LRIG1: variants seen among roughly 807,000 people sequenced by gnomAD.
LRIG1 encodes the protein leucine rich repeats and immunoglobulin like domains 1, also known as leucine-rich repeats and immunoglobulin-like domains protein 1.
Under a neutral mutation model 99.2 loss-of-function variants are expected in LRIG1, and 48 were observed. The observed-to-expected ratio is 0.48, with a 90% CI of 0.38 to 0.62. The LOEUF (loss-of-function observed/expected upper bound fraction) is 0.62. LRIG1 is among the 20% of genes least tolerant of loss of function. LRIG1 has a pLI of 0.00. For missense variants in LRIG1, 1,646 were observed against 1,434.4 expected, an observed-to-expected ratio of 1.15 and a Z score of -2.38; for synonymous variants, 772 against 596.1, an observed-to-expected ratio of 1.29 and a Z score of -4.30.
At chr3:66,456,870 T>C (rs1414441312) in intron 2 of LRIG1, among the ~76,000 whole-genome samples, 1 of 152,176 alleles carries the variant, frequency 6.6e-6, no homozygotes, top group Non-Finnish European at 1.5e-5. Context: ...GAAGGCAGTA[T>C]CTACAGAGGA....
chr3:66,394,641 C>T (rs1701771130), intron 11 of LRIG1, among the ~76,000 whole-genome samples: 1 of 152,230 alleles, frequency 6.6e-6, no homozygotes, highest in Non-Finnish European at 1.5e-5. Context: ...TCTGGTTTTT[C>T]CCACTTTCCT....
intron 7 of LRIG1, among the ~76,000 whole-genome samples, chr3:66,408,323 T>G (rs1056554872): frequency 1.3e-5 from 2 of 152,240 alleles, no homozygotes; most frequent in Non-Finnish European, 2.9e-5. Flanking sequence ...TAAACAGACC[T>G]GGCAGGAGAT....
chr3:66,481,311 A>G (rs940763860), intron 1 of LRIG1, among the ~76,000 whole-genome samples: 1 of 152,232 alleles, frequency 6.6e-6, no homozygotes, highest in Non-Finnish European at 1.5e-5. Flanking sequence ...GTTCACTCTG[A>G]TATTGGTGGC....
chr3:66,463,441 G>C (rs1254249792), intron 1 of LRIG1, among the ~76,000 whole-genome samples: 1 of 152,188 alleles, frequency 6.6e-6, no homozygotes, highest in Non-Finnish European at 1.5e-5. Flanking sequence ...CAATGGTTCA[G>C]AATTAAAACT....
intron 6 of LRIG1, among the ~76,000 whole-genome samples, chr3:66,410,914 GGCTGGACTCTGT>G (rs1702443404): frequency 6.6e-6 from 1 of 152,252 alleles, no homozygotes; most frequent in Admixed American, 6.5e-5. Flanking sequence ...GCCTACCAAA[GGCTGGACTCTGT>G]GCCACTGTGC....
At chr3:66,398,033 G>T in intron 11 of LRIG1, 79 bp downstream of exon 11, 1 of 1,149,260 alleles carries the variant, frequency 8.7e-7, no homozygotes, top group Non-Finnish European at 1.3e-6. Context: ...TAACAAGTGA[G>T]CATAATGCAA....
rs1703747312 is a variant in LRIG1, at chr3:66,446,876, A to G, written c.365+4683T>C. Among the ~76,000 whole-genome samples, 3 of 151,028 alleles carry G rather than the reference A, an allele frequency of 2.0e-5. No homozygotes were observed. The South Asian group carries it at 6.3e-4, about 32-fold the overall frequency. The stretch of plus-strand genomic sequence containing the variant: ...CAAAAAAAAAAAAATTAGTTTTCAA[A>G]TAAGTGGTTACCAGGGGCTAGGGTG... On this transcript the variant is annotated intron_variant, in intron 3 of 18. Coordinates refer to ENST00000273261, the MANE Select transcript of LRIG1 (RefSeq NM_015541.3).
In LRIG1 at chr3:66,383,346, T is replaced by G. The variant is rs111310467; in HGVS notation, c.2127A>C (p.Thr709=). The change falls in exon 15 of 19, where the codon ACA becomes ACC. Residue 709 remains threonine (T), a synonymous_variant. Coordinates refer to ENST00000273261, the MANE Select transcript of LRIG1 (RefSeq NM_015541.3). ...LEDRVVSVGE[T]VALQCKATGN... ...CCGTGGCTTTGCATTGGAGGGCCAC[T>G]GTTTCTCCCACAGATACCACACGGT... The G allele has an allele frequency of 6.3e-7, 1 of 1,592,998 alleles. No individual in the cohort carries two copies. The highest frequency in any genetic ancestry group is 2.2e-5 in the East Asian group (1 of 44,478).
chr3:66,487,470 A>G (rs1408381244), intron 1 of LRIG1, among the ~76,000 whole-genome samples: 1 of 152,226 alleles, frequency 6.6e-6, no homozygotes, highest in African/African-American at 2.4e-5. Flanking sequence ...CTGCCCTGAA[A>G]GAATGTACCA....
chr3:66,400,168 A>G (rs1483398207), intron 9 of LRIG1, among the ~76,000 whole-genome samples: 1 of 152,226 alleles, frequency 6.6e-6, no homozygotes, highest in East Asian at 1.9e-4. Context: ...TTCTCCCAGA[A>G]ACCAAAGTCT....
intron 14 of LRIG1, among the ~76,000 whole-genome samples, 175 bp downstream of exon 14, chr3:66,383,816 G>GAGAT (rs1423573302): frequency 6.6e-6 from 1 of 152,148 alleles, no homozygotes; most frequent in Non-Finnish European, 1.5e-5. Context: ...TTCTTTTAAA[G>GAGAT]AGATAGAAAC....
intron 16 of LRIG1, 64 bp downstream of exon 16, chr3:66,382,209 C>T (rs1379862734): frequency 1.9e-6 from 3 of 1,591,764 alleles, no homozygotes; most frequent in Admixed American, 3.4e-5. Context: ...GACCTGGAGG[C>T]CACCTCCAGC....
intron 8 of LRIG1, chr3:66,405,968 C>T (rs1287389803): frequency 2.0e-6 from 2 of 995,690 alleles, no homozygotes; most frequent in African/African-American, 1.7e-5. Context: ...GGTCACAGTG[C>T]CCAGGCGAGA....
At chr3:66,441,883 C>T (rs1264564464) in intron 3 of LRIG1, among the ~76,000 whole-genome samples, 3 of 152,214 alleles carry the variant, frequency 2.0e-5, no homozygotes, top group African/African-American at 7.2e-5. Flanking sequence ...ACGTTACTTG[C>T]CGTCTCTGTG....
At chr3:66,430,427 A>G (rs760853453) in intron 3 of LRIG1, among the ~76,000 whole-genome samples, 11 of 152,152 alleles carry the variant, frequency 7.2e-5, no homozygotes, top group South Asian at 2.1e-4. Flanking sequence ...CTGGCTTGCA[A>G]TGTTGAGACA....
chr3:66,434,446 T>TA (rs1301329417), intron 3 of LRIG1, among the ~76,000 whole-genome samples: 3 of 152,032 alleles, frequency 2.0e-5, no homozygotes, highest in Non-Finnish European at 4.4e-5. Context: ...TGGCTGAAAT[T>TA]AAAAAAATAC....
At chr3:66,380,981 T>C (rs995409311) in intron 17 of LRIG1, 120 bp from the exon 18 acceptor site, 2 of 964,034 alleles carry the variant, frequency 2.1e-6, no homozygotes, top group Non-Finnish European at 3.1e-6. Flanking sequence ...AAACACTGTA[T>C]GCATGCTTCC....
intron 5 of LRIG1, among the ~76,000 whole-genome samples, chr3:66,413,601 A>G (rs1575672041): frequency 6.6e-6 from 1 of 152,350 alleles, no homozygotes; most frequent in East Asian, 1.9e-4. Flanking sequence ...TAGCCCCAGT[A>G]TGACAAAGCC....
chr3:66,463,354 G>A (rs955167037), intron 1 of LRIG1, among the ~76,000 whole-genome samples: 1 of 152,176 alleles, frequency 6.6e-6, no homozygotes, highest in Non-Finnish European at 1.5e-5. Context: ...GCCAGTTGCT[G>A]GAAATTCTTG....
Sources: gnomAD v4.1 joint callset for allele counts (sites outside exome capture counted in the v4.1 genomes callset) on GRCh38, gnomAD v4.1.1 for gene constraint, MANE v1.5 for transcripts, NCBI Gene and HGNC (gene_info 2026-07-23, HGNC 2026-07-21) for gene names.